MAD1L1: variants seen among roughly 807,000 people sequenced by gnomAD.
The protein encoded by MAD1L1 is mitotic arrest deficient 1 like 1.
In MAD1L1, 95 loss-of-function variants were observed where a neutral mutation model predicts 96.9. That is an observed-to-expected ratio of 0.98 (90% confidence interval 0.83 to 1.16). The LOEUF is 1.16. Among genes scored for constraint, MAD1L1 ranks in the 50% most tolerant of loss-of-function variants. MAD1L1 has a pLI of 0.00. For missense variants in MAD1L1, 1,007 were observed against 954.4 expected, an observed-to-expected ratio of 1.06 and a Z score of -0.73; for synonymous variants, 473 against 396.6, an observed-to-expected ratio of 1.19 and a Z score of -2.29.
chr7:2,176,580 T>TA (rs550777452), intron 10 of MAD1L1, among the ~76,000 whole-genome samples: 63 of 148,832 alleles, frequency 4.2e-4, no homozygotes, highest in African/African-American at 1.3e-3. Context: ...TAAGGAATCT[T>TA]AAAAAAAAAA....
At chr7:2,127,696 C>T (rs192325531) in intron 11 of MAD1L1, among the ~76,000 whole-genome samples, 387 of 152,248 alleles carry the variant, frequency 2.5e-3, no homozygotes, top group Non-Finnish European at 4.0e-3. Flanking sequence ...AGGAGGAACC[C>T]GCAGGAACCC....
At chr7:1,820,118 C>G (rs554935052) in intron 18 of MAD1L1, among the ~76,000 whole-genome samples, 2 of 152,172 alleles carry the variant, frequency 1.3e-5, no homozygotes, top group South Asian at 4.1e-4. Flanking sequence ...AAACCAGAAA[C>G]CAGTCAGAGA....
At chr7:2,083,814 C>T (rs1428870700) in intron 11 of MAD1L1, among the ~76,000 whole-genome samples, 5 of 152,222 alleles carry the variant, frequency 3.3e-5, no homozygotes, top group Non-Finnish European at 5.9e-5. Context: ...GCAGGAGCGC[C>T]CGTTCCCATC....
In MAD1L1 at chr7:2,024,579, G is replaced by T. The variant is rs182335636; in HGVS notation, c.1219-9937C>A. Among the ~76,000 whole-genome samples, 1,207 of 152,278 alleles carry T rather than the reference G, an allele frequency of 7.9e-3. 12 individuals are homozygous for T. Among genetic ancestry groups the T allele is most frequent in the Non-Finnish European group, 9.8e-3 (668 of 68,016 alleles). Reference sequence around the variant, plus strand: ...GTAGACATACTCAGGTCTTGCTGTGGTCACAAGGAAGCTGCTGCCCCCTCT... The same window carrying T: ...GTAGACATACTCAGGTCTTGCTGTGTTCACAAGGAAGCTGCTGCCCCCTCT... On this transcript the variant is annotated intron_variant, in intron 12 of 18. Coordinates refer to ENST00000265854, the MANE Select transcript of MAD1L1 (RefSeq NM_001013836.2).
intron 10 of MAD1L1, among the ~76,000 whole-genome samples, chr7:2,170,311 A>G (rs1197693207): frequency 6.6e-6 from 1 of 152,242 alleles, no homozygotes; most frequent in Non-Finnish European, 1.5e-5. Context: ...GATTGGCCCC[A>G]GGCAACCTGC....
At chr7:2,118,252 G>C (rs1431909540) in intron 11 of MAD1L1, among the ~76,000 whole-genome samples, 1 of 152,248 alleles carries the variant, frequency 6.6e-6, no homozygotes, top group Non-Finnish European at 1.5e-5. Flanking sequence ...CCAGGGCACA[G>C]TGCCAGCCCT....
At chr7:2,042,130 T>G (rs577937295) in intron 12 of MAD1L1, among the ~76,000 whole-genome samples, 30 of 146,640 alleles carry the variant, frequency 2.0e-4, no homozygotes, top group Middle Eastern at 3.6e-3. Flanking sequence ...CAGACACACA[T>G]GCACACGGAC....
intron 11 of MAD1L1, among the ~76,000 whole-genome samples, chr7:2,127,132 G>A (rs1404556810): frequency 6.6e-6 from 1 of 152,226 alleles, no homozygotes; most frequent in Non-Finnish European, 1.5e-5. Flanking sequence ...GTCTTCCACA[G>A]TGCTGGCCTG....
At chr7:2,206,078 G>A (rs1428836448) in intron 10 of MAD1L1, among the ~76,000 whole-genome samples, 1 of 152,192 alleles carries the variant, frequency 6.6e-6, no homozygotes, top group Non-Finnish European at 1.5e-5. Flanking sequence ...GTTGCAGTGA[G>A]CCAAGATCAT....
intron 18 of MAD1L1, chr7:1,854,394 G>A (rs766586301): frequency 4.3e-5 from 20 of 464,816 alleles, no homozygotes; most frequent in African/African-American, 3.2e-4. Context: ...CCACTCGGCC[G>A]CTGCAGACTA....
intron 10 of MAD1L1, among the ~76,000 whole-genome samples, chr7:2,210,850 C>G (rs1181959725): frequency 1.3e-5 from 2 of 151,854 alleles, no homozygotes; most frequent in African/African-American, 4.9e-5. Flanking sequence ...CCATCAGCCT[C>G]CGGCTGCTCA....
intron 16 of MAD1L1, among the ~76,000 whole-genome samples, chr7:1,944,034 G>A (rs550627626): frequency 6.6e-6 from 1 of 152,154 alleles, no homozygotes; most frequent in Non-Finnish European, 1.5e-5. Flanking sequence ...AGGGAAGTGA[G>A]AAAAGCCAAT....
rs878975052 is a variant in MAD1L1, at chr7:2,102,645, C to T, written c.1074-33307G>A. Among the ~76,000 whole-genome samples, 4 of 151,182 alleles carry T rather than the reference C, an allele frequency of 2.6e-5. No individual in the cohort carries two copies. The South Asian group carries it at 8.4e-4, about 32-fold the overall frequency. ...CACCACCCTCGCACCATCATCGCCA[C>T]TGTCACTATCTCCACTGTCACCAGC... On this transcript the variant is annotated intron_variant, in intron 11 of 18. Transcript: ENST00000265854.
chr7:1,965,809 G>A (rs1315737753), intron 15 of MAD1L1, among the ~76,000 whole-genome samples: 2 of 152,266 alleles, frequency 1.3e-5, no homozygotes, highest in East Asian at 3.9e-4. Flanking sequence ...CCGGGCGTGG[G>A]CCCAACCTCC....
intron 18 of MAD1L1, among the ~76,000 whole-genome samples, chr7:1,855,770 C>T (rs1784217533): frequency 6.6e-6 from 1 of 152,194 alleles, no homozygotes; most frequent in African/African-American, 2.4e-5. Flanking sequence ...TTTTCACAGG[C>T]TCCACCCCAA....
chr7:2,123,674 G>A (rs1788090412), intron 11 of MAD1L1, among the ~76,000 whole-genome samples: 1 of 152,216 alleles, frequency 6.6e-6, no homozygotes, highest in African/African-American at 2.4e-5. Flanking sequence ...ATACCAGGAA[G>A]CGAGTCGGAG....
chr7:2,026,173 G>A lies in MAD1L1; in HGVS notation c.1219-11531C>T, dbSNP rs371461155. Among the ~76,000 whole-genome samples the A allele has an allele frequency of 7.2e-5, 11 of 152,204 alleles. No individual in the cohort carries two copies. In the East Asian group the frequency reaches 9.6e-4, roughly 13 times the overall value. ...TTAAACACTGGAAGCTGACATACCC[G>A]TATTAATATCCCAGAAAGGAGATTT... On this transcript the variant is annotated intron_variant, in intron 12 of 18. Transcript: ENST00000265854.
intron 12 of MAD1L1, among the ~76,000 whole-genome samples, chr7:2,052,785 C>T (rs985456772): frequency 1.3e-5 from 2 of 152,164 alleles, no homozygotes; most frequent in Non-Finnish European, 2.9e-5. Flanking sequence ...ATGGCCCTGG[C>T]GCCACAGACT....
chr7:1,918,928 C>G (rs1032947423), intron 17 of MAD1L1, among the ~76,000 whole-genome samples: 1 of 151,996 alleles, frequency 6.6e-6, no homozygotes, highest in African/African-American at 2.4e-5. Flanking sequence ...GGTGAGAGCA[C>G]GTGGCAGGGC....
Sources: allele counts gnomAD v4.1 joint callset (sites outside exome capture counted in the v4.1 genomes callset), GRCh38; gene constraint gnomAD v4.1.1; transcripts MANE v1.5; gene names NCBI Gene and HGNC (gene_info 2026-07-23, HGNC 2026-07-21).